Variants in ZPBP observed in about 807,000 individuals in gnomAD.
ZPBP encodes zona pellucida-binding protein 1.
A neutral mutation model predicts 44.8 loss-of-function variants in ZPBP; 26 were observed. The observed-to-expected ratio is 0.58, with a 90% confidence interval of 0.43 to 0.81. The LOEUF is 0.81. Among genes scored for constraint, ZPBP ranks in the 30% least tolerant of loss-of-function variants. ZPBP has a pLI of 0.00. For missense variants in ZPBP, 409 were observed against 434.0 expected, an observed-to-expected ratio of 0.94 and a Z score of 0.51; for synonymous variants, 174 against 153.2, an observed-to-expected ratio of 1.14 and a Z score of -1.00.
chr7:49,887,769 G>A (rs530958798), intron 2 of ZPBP, among the ~76,000 whole-genome samples: 2 of 152,176 alleles, frequency 1.3e-5, no homozygotes, highest in South Asian at 4.2e-4. Flanking sequence ...ACCAACCCAT[G>A]GCACTTCCAC....
At chr7:50,010,179 A>C (rs898837940) in intron 6 of ZPBP, among the ~76,000 whole-genome samples, 12 of 152,178 alleles carry the variant, frequency 7.9e-5, no homozygotes, top group Non-Finnish European at 1.5e-4. Flanking sequence ...TAGCTAAAAC[A>C]ATCTTAACAA....
intron 7 of ZPBP, among the ~76,000 whole-genome samples, chr7:49,978,683 A>C (rs1008543238): frequency 6.6e-6 from 1 of 152,004 alleles, no homozygotes; most frequent in Non-Finnish European, 1.5e-5. Flanking sequence ...TTTATCTAGT[A>C]GTCAGTTTCA....
chr7:50,048,062 G>C (rs1343918), intron 4 of ZPBP, among the ~76,000 whole-genome samples: 1 of 151,922 alleles, frequency 6.6e-6, no homozygotes, highest in South Asian at 2.1e-4. Flanking sequence ...ACTGAGTGTA[G>C]ATATCTTTCT....
chr7:49,938,774 T>C (rs963881677), intron 7 of ZPBP, among the ~76,000 whole-genome samples: 1 of 152,308 alleles, frequency 6.6e-6, no homozygotes, highest in African/African-American at 2.4e-5. Flanking sequence ...AGCACATCTA[T>C]GGAATGTTTA....
In ZPBP at chr7:50,058,159, A is replaced by G; in HGVS notation, c.335-18T>C. On this transcript the variant is annotated intron_variant, in intron 3 of 7. Coordinates refer to ENST00000046087, the MANE Select transcript of ZPBP (RefSeq NM_007009.3). ...GTTTTCTACTAAAGGAATAAGATACAGTTACGAGTTGCTTAAATTACATGA... is the reference window on the plus strand; with the variant it reads ...GTTTTCTACTAAAGGAATAAGATACGGTTACGAGTTGCTTAAATTACATGA... 2 of 1,613,088 alleles carry G rather than the reference A, an allele frequency of 1.2e-6. No homozygotes were observed. The highest frequency in any genetic ancestry group is 1.3e-5 in the African/African-American group (1 of 75,016).
At chr7:49,981,298 T>TCC (rs1796866891) in intron 7 of ZPBP, among the ~76,000 whole-genome samples, 1 of 61,156 alleles carries the variant, frequency 1.6e-5, no homozygotes, top group African/African-American at 5.1e-5. Context: ...TAATATATAT[T>TCC]ATATATAATT....
At chr7:49,916,664 T>C (rs1416078084) in intron 1 of ZPBP, 5 of 152,252 alleles carry the variant, frequency 3.3e-5, no homozygotes, top group Non-Finnish European at 4.4e-5. Context: ...TAAAGGCTTG[T>C]TGAATTGTAT....
chr7:49,973,114 TAGAA>T (rs968208622), intron 7 of ZPBP, among the ~76,000 whole-genome samples: 23 of 152,070 alleles, frequency 1.5e-4, no homozygotes, highest in African/African-American at 5.1e-4. Flanking sequence ...TTAAAACTCT[TAGAA>T]AGCCTAATGA....
At chr7:50,025,343 G>A (rs1799274723) in intron 5 of ZPBP, among the ~76,000 whole-genome samples, 1 of 151,726 alleles carries the variant, frequency 6.6e-6, no homozygotes, top group Admixed American at 6.6e-5. Context: ...ATTATTAAAG[G>A]CAAGAAATAC....
At chr7:50,033,017 G>C (rs1161055905) in intron 4 of ZPBP, among the ~76,000 whole-genome samples, 1 of 151,946 alleles carries the variant, frequency 6.6e-6, no homozygotes, top group Non-Finnish European at 1.5e-5. Context: ...ATGTGGGACT[G>C]AACTGATGTA....
At chr7:49,890,669 T>A (rs1220666980) in intron 2 of ZPBP, among the ~76,000 whole-genome samples, 2 of 150,688 alleles carry the variant, frequency 1.3e-5, no homozygotes, top group African/African-American at 2.4e-5. Context: ...TGAGAGTAAC[T>A]CCCACTACTG....
chr7:49,845,061 A>T, the ZPBP span, among the ~76,000 whole-genome samples: 1 of 152,118 alleles, frequency 6.6e-6, no homozygotes, highest in Admixed American at 6.5e-5. Flanking sequence ...GTTCTCACTT[A>T]TAAATGGGAG....
chr7:50,082,248 T>A (rs1206913417), intron 2 of ZPBP, among the ~76,000 whole-genome samples: 1 of 151,848 alleles, frequency 6.6e-6, no homozygotes, highest in Admixed American at 6.6e-5. Flanking sequence ...ATCTACACTT[T>A]ATCTGTTTTG....
chr7:49,862,942 C>T (rs1192318334), intron 2 of ZPBP, among the ~76,000 whole-genome samples: 1 of 152,126 alleles, frequency 6.6e-6, no homozygotes, highest in Non-Finnish European at 1.5e-5. Context: ...TGTGATGTCT[C>T]AATCTGGCTT....
In ZPBP at chr7:49,999,699, T is replaced by A. The variant is rs1798010266; in HGVS notation, c.784-16180A>T. Among the ~76,000 whole-genome samples the A allele has an allele frequency of 5.4e-5, 3 of 55,074 alleles. No individual in the cohort carries two copies. The South Asian group carries it at 1.4e-3, about 26-fold the overall frequency. 36.1% of individuals were successfully genotyped at this position (55,074 alleles called of 152,430 possible). On this transcript the variant is annotated intron_variant, in intron 6 of 7. Transcript: ENST00000046087. ...ATGTTCCAGCTCAAACAGAAACAAA[T>A]CCTCCCTTCTTCTATTTTGTTCTAT...
At chr7:49,954,007 C>A (rs140197637) in intron 7 of ZPBP, among the ~76,000 whole-genome samples, 1 of 151,742 alleles carries the variant, frequency 6.6e-6, no homozygotes, top group South Asian at 2.1e-4. Flanking sequence ...CGAAAAAAAT[C>A]GAAAAAGGAA....
At chr7:49,863,156 T>C (rs1482932255) in intron 2 of ZPBP, among the ~76,000 whole-genome samples, 1 of 152,198 alleles carries the variant, frequency 6.6e-6, no homozygotes, top group East Asian at 1.9e-4. Flanking sequence ...GTTATAGGTG[T>C]TTTGTTATTT....
chr7:49,910,630 G>A (rs866455736), intron 1 of ZPBP, among the ~76,000 whole-genome samples: 16 of 152,264 alleles, frequency 1.1e-4, no homozygotes, highest in African/African-American at 2.9e-4. Context: ...TTTAACTAAC[G>A]TTGGAACTCT....
At chr7:50,057,241 G>A (rs1288100960) in intron 4 of ZPBP, among the ~76,000 whole-genome samples, 3 of 150,710 alleles carry the variant, frequency 2.0e-5, no homozygotes, top group Non-Finnish European at 4.4e-5. Context: ...CCTTTCAGTT[G>A]CACTAAGATA....
Sources: gnomAD v4.1 joint callset for allele counts (sites outside exome capture counted in the v4.1 genomes callset) on GRCh38, gnomAD v4.1.1 for gene constraint, MANE v1.5 for transcripts, NCBI Gene and HGNC (gene_info 2026-07-23, HGNC 2026-07-21) for gene names.